KCNIP4: variants seen among roughly 807,000 people sequenced by gnomAD.
The protein encoded by KCNIP4 is potassium voltage-gated channel interacting protein 4, also known as Kv channel-interacting protein 4.
A neutral mutation model predicts 34.0 loss-of-function variants in KCNIP4; 12 were observed. The ratio of observed to expected loss-of-function variants is 0.35; its 90% CI spans 0.23 to 0.57. KCNIP4 has a LOEUF of 0.57. Among genes scored for constraint, KCNIP4 ranks in the 20% least tolerant of loss-of-function variants. The pLI is 0.83. For missense variants in KCNIP4, 238 were observed against 311.7 expected, an observed-to-expected ratio of 0.76 and a Z score of 1.78; for synonymous variants, 124 against 102.2, an observed-to-expected ratio of 1.21 and a Z score of -1.29.
intron 1 of KCNIP4, among the ~76,000 whole-genome samples, chr4:21,627,672 A>C (rs1745436091): frequency 6.6e-6 from 1 of 152,162 alleles, no homozygotes; most frequent in South Asian, 2.1e-4. Context: ...GCCAAAACAT[A>C]ATATAAAAAG....
intron 1 of KCNIP4, chr4:21,843,203 A>C (rs1039424100): frequency 6.6e-6 from 1 of 152,074 alleles, no homozygotes. Flanking sequence ...GAATGTAAAA[A>C]ATAAAACTCA....
chr4:20,880,536 A>T (rs1004358173), intron 2 of KCNIP4, among the ~76,000 whole-genome samples: 2 of 152,104 alleles, frequency 1.3e-5, no homozygotes, highest in African/African-American at 4.8e-5. Context: ...ATTGCATTGC[A>T]TCCTCTGTGA....
In KCNIP4 at chr4:21,479,753, G is replaced by A. The variant is rs560112788; in HGVS notation, c.61+468818C>T. ...AATAAACCAAATCTTCAAATTAATA[G>A]CAGAGAAAATATGCACAAAATAAAT... On this transcript the variant is annotated intron_variant, in intron 1 of 8. Coordinates refer to ENST00000382152, the MANE Select transcript of KCNIP4 (RefSeq NM_025221.6). Among the ~76,000 whole-genome samples, 19 of 152,074 alleles carry A rather than the reference G, an allele frequency of 1.2e-4. No individual in the cohort carries two copies. The South Asian group carries it at 3.3e-3, about 27-fold the overall frequency.
chr4:21,739,610 T>C (rs1240144410), intron 1 of KCNIP4, among the ~76,000 whole-genome samples: 1 of 152,062 alleles, frequency 6.6e-6, no homozygotes, highest in African/African-American at 2.4e-5. Context: ...TTCTATATCA[T>C]AAAATAACCA....
Position 21,176,110 on chromosome 4 carries a change from A to G in KCNIP4, c.62-293401T>C, listed in dbSNP as rs529026455. Among the ~76,000 whole-genome samples, 4 of 152,374 alleles carry G rather than the reference A, an allele frequency of 2.6e-5. No homozygotes were observed. The South Asian group carries it at 6.2e-4, about 24-fold the overall frequency. On this transcript the variant is annotated intron_variant, in intron 1 of 8. Coordinates refer to ENST00000382152, the MANE Select transcript of KCNIP4 (RefSeq NM_025221.6). ...CCAAAGTCACTGAATTAGACAAGGT[A>G]AAGCTAAGATTTTTAGTCAAGTCAT...
chr4:21,177,684 A>AAAAC (rs1026376689), intron 1 of KCNIP4, among the ~76,000 whole-genome samples: 1 of 151,322 alleles, frequency 6.6e-6, no homozygotes, highest in Admixed American at 6.6e-5. Context: ...CAAACAAACA[A>AAAAC]AAACAAACAA....
chr4:21,484,419 C>T (rs901951534), intron 1 of KCNIP4, among the ~76,000 whole-genome samples: 5 of 150,872 alleles, frequency 3.3e-5, no homozygotes, highest in African/African-American at 1.2e-4. Context: ...AAGAGCGAAA[C>T]TCCGTCACAA....
intron 1 of KCNIP4, among the ~76,000 whole-genome samples, chr4:21,321,692 G>T (rs1714432439): frequency 1.4e-5 from 1 of 73,684 alleles, no homozygotes; most frequent in South Asian, 3.9e-4. Flanking sequence ...AGAATGTGAA[G>T]AGAGAGAAGG....
At chr4:21,441,201 G>T (rs1464838181) in intron 1 of KCNIP4, among the ~76,000 whole-genome samples, 1 of 150,896 alleles carries the variant, frequency 6.6e-6, no homozygotes, top group African/African-American at 2.4e-5. Flanking sequence ...GAGTTCAGTG[G>T]CGTGATCTCG....
chr4:21,718,083 A>G (rs1714525363), intron 1 of KCNIP4, among the ~76,000 whole-genome samples: 1 of 152,238 alleles, frequency 6.6e-6, no homozygotes, highest in South Asian at 2.1e-4. Context: ...TGCAAACTTT[A>G]TAACTTCTGA....
intron 1 of KCNIP4, among the ~76,000 whole-genome samples, chr4:21,049,997 G>A (rs1040843240): frequency 6.6e-6 from 1 of 152,210 alleles, no homozygotes; most frequent in African/African-American, 2.4e-5. Flanking sequence ...AGAGGTGACA[G>A]TAGCTGCTAT....
intron 1 of KCNIP4, among the ~76,000 whole-genome samples, chr4:20,959,010 G>A (rs1733596130): frequency 6.6e-6 from 1 of 152,178 alleles, no homozygotes; most frequent in Non-Finnish European, 1.5e-5. Flanking sequence ...TGAAATCAGT[G>A]GGTGTATACA....
At chr4:21,022,425 T>C (rs1577550808) in intron 1 of KCNIP4, among the ~76,000 whole-genome samples, 1 of 152,228 alleles carries the variant, frequency 6.6e-6, no homozygotes, top group African/African-American at 2.4e-5. Context: ...ATTAAAAAGA[T>C]CTGCCGATGC....
intron 1 of KCNIP4, among the ~76,000 whole-genome samples, chr4:21,219,688 C>A (rs1757849990): frequency 6.6e-6 from 1 of 152,012 alleles, no homozygotes; most frequent in Non-Finnish European, 1.5e-5. Context: ...TAGAAAAGCA[C>A]CACAACATTG....
Position 20,730,005 on chromosome 4 carries a change from TA to T in KCNIP4, c.*76del. The T allele has an allele frequency of 6.6e-7, 1 of 1,521,780 alleles. No homozygotes were observed. The highest frequency in any genetic ancestry group is 2.3e-5 in the East Asian group (1 of 42,680). The allele number at this position is 1,521,780 out of a possible 1,614,324, so 94.3% of individuals were successfully genotyped here. On this transcript the variant is annotated 3_prime_UTR_variant, in exon 9 of 9. Coordinates refer to ENST00000382152, the MANE Select transcript of KCNIP4 (RefSeq NM_025221.6). ...CAGTGTCAAGCTGAGCAATCTATGC[TA>T]AAAGTGGTAGCTCCAACTTTAAGGG...
At chr4:21,484,602 G>T (rs1251381256) in intron 1 of KCNIP4, among the ~76,000 whole-genome samples, 1 of 152,078 alleles carries the variant, frequency 6.6e-6, no homozygotes, top group Non-Finnish European at 1.5e-5. Context: ...AGGGTTGTTT[G>T]GTCGGGGGTC....
chr4:20,959,262 T>C (rs960704042), intron 1 of KCNIP4, among the ~76,000 whole-genome samples: 13 of 152,198 alleles, frequency 8.5e-5, no homozygotes, highest in Non-Finnish European at 1.8e-4. Flanking sequence ...TTTGAAATAA[T>C]TGCCTTTAGC....
intron 1 of KCNIP4, among the ~76,000 whole-genome samples, chr4:21,434,532 T>C (rs1726777638): frequency 6.6e-6 from 1 of 152,016 alleles, no homozygotes; most frequent in Non-Finnish European, 1.5e-5. Context: ...CTGTGGCCTG[T>C]TAGGAACCGA....
At chr4:21,074,977 G>T (rs577771269) in intron 1 of KCNIP4, among the ~76,000 whole-genome samples, 6 of 152,276 alleles carry the variant, frequency 3.9e-5, no homozygotes, top group South Asian at 2.1e-4. Context: ...CTGAGCTCTA[G>T]TTTGATTGCA....
Sources: gnomAD v4.1 joint callset for allele counts (sites outside exome capture counted in the v4.1 genomes callset) on GRCh38, gnomAD v4.1.1 for gene constraint, MANE v1.5 for transcripts, NCBI Gene and HGNC (gene_info 2026-07-23, HGNC 2026-07-21) for gene names.